The following ANKFN1 variants were observed in gnomAD, a reference collection of about 807,000 sequenced individuals.
The protein encoded by ANKFN1 is ankyrin repeat and fibronectin type III domain containing 1.
ANKFN1 carries 74 observed loss-of-function variants against 108.7 expected under a neutral mutation model. The ratio of observed to expected loss-of-function variants is 0.68; its 90% CI spans 0.56 to 0.83. The LOEUF is 0.83. ANKFN1 is among the 40% of genes least tolerant of loss of function. The pLI, the probability that ANKFN1 is intolerant of heterozygous loss-of-function variation, is 0.00. For synonymous variants in ANKFN1, 547 were observed against 516.2 expected (o/e 1.06, Z -0.81); for missense variants, 1,505 against 1,382.3 (o/e 1.09, Z -1.41).
chr17:56,360,447 C>T (rs1268190657), intron 6 of ANKFN1, among the ~76,000 whole-genome samples: 1 of 152,202 alleles, frequency 6.6e-6, no homozygotes, highest in Non-Finnish European at 1.5e-5. Context: ...TCACATCACT[C>T]TCTTGTCATT....
chr17:56,456,404 T>C (rs1466316473), intron 11 of ANKFN1, among the ~76,000 whole-genome samples: 2 of 145,318 alleles, frequency 1.4e-5, no homozygotes, highest in African/African-American at 5.1e-5. Flanking sequence ...TTTTTCTCTT[T>C]TTTTTTTTTT....
intron 4 of ANKFN1, among the ~76,000 whole-genome samples, chr17:56,088,503 C>G (rs1260981416): frequency 2.0e-5 from 3 of 151,058 alleles, no homozygotes; most frequent in Non-Finnish European, 4.4e-5. Flanking sequence ...CTTCTTCTAG[C>G]TGGTTTCTAG....
At chr17:56,456,254 A>G (rs2049689753) in intron 11 of ANKFN1, among the ~76,000 whole-genome samples, 1 of 152,206 alleles carries the variant, frequency 6.6e-6, no homozygotes, top group Non-Finnish European at 1.5e-5. Context: ...CTTAAAATAA[A>G]TCAAAAATTT....
intron 3 of ANKFN1, among the ~76,000 whole-genome samples, chr17:56,310,166 A>G (rs957512256): frequency 1.3e-5 from 2 of 152,210 alleles, no homozygotes; most frequent in East Asian, 3.8e-4. Flanking sequence ...GTGGTGCAAG[A>G]TTTCATCATG....
intron 15 of ANKFN1, chr17:56,472,674 C>G (rs575710483): frequency 2.6e-5 from 4 of 152,312 alleles, no homozygotes; most frequent in South Asian, 4.1e-4. Flanking sequence ...CGAAGACAGA[C>G]AGATTTGTAA....
At chr17:56,200,812 A>G (rs997046751) in intron 1 of ANKFN1, among the ~76,000 whole-genome samples, 1 of 152,228 alleles carries the variant, frequency 6.6e-6, no homozygotes, top group South Asian at 2.1e-4. Context: ...TTCCTCTTTG[A>G]TGAAGCAGAG....
intron 4 of ANKFN1, among the ~76,000 whole-genome samples, chr17:56,328,678 C>T (rs1049207570): frequency 6.6e-6 from 1 of 151,978 alleles, no homozygotes; most frequent in African/African-American, 2.4e-5. Flanking sequence ...TTAGACAATA[C>T]CATCTCAATT....
intron 4 of ANKFN1, among the ~76,000 whole-genome samples, chr17:56,145,861 TC>T (rs1908222967): frequency 6.6e-6 from 1 of 152,154 alleles, no homozygotes; most frequent in African/African-American, 2.4e-5. Context: ...AATTATGCCT[TC>T]CAAACAATTG....
At position 56,403,477 on chromosome 17, in the gene ANKFN1, C is replaced by T. The variant is rs960901645; in HGVS notation, c.910+28763C>T. Reference sequence around the variant, plus strand: ...TCCCTCTTTGAGATAAGAATAGCTACACCTGCTTGCTTTTCGTGTCCATTT... The same window carrying T: ...TCCCTCTTTGAGATAAGAATAGCTATACCTGCTTGCTTTTCGTGTCCATTT... On this transcript the variant is annotated intron_variant, in intron 8 of 20. Coordinates refer to ENST00000682825, the MANE Select transcript of ANKFN1 (RefSeq NM_001370326.1). Among the ~76,000 whole-genome samples the T allele has an allele frequency of 3.3e-5, 5 of 151,956 alleles. No homozygotes were observed. In the East Asian group the frequency reaches 7.7e-4, roughly 23 times the overall value.
chr17:56,337,996 G>T lies in ANKFN1; in HGVS notation c.188+11641G>T, dbSNP rs370725171. Among the ~76,000 whole-genome samples the T allele has an allele frequency of 7.2e-5, 11 of 152,038 alleles. No homozygotes were observed. The East Asian group carries it at 1.2e-3, about 16-fold the overall frequency. On this transcript the variant is annotated intron_variant, in intron 4 of 20. Transcript: ENST00000682825. ...TATAAATCATGCTATATAAAGGCAC[G>T]TGCACACGTATGCTTATTGCGGCAC...
At chr17:56,152,256 A>ATGTGTG (rs1165051884), upstream of ANKFN1, among the ~76,000 whole-genome samples, 19 of 79,252 alleles carry the variant, frequency 2.4e-4, no homozygotes, top group African/African-American at 7.2e-4. Context: ...ATATATATAT[A>ATGTGTG]TATATATGTG....
intron 8 of ANKFN1, among the ~76,000 whole-genome samples, chr17:56,391,212 C>CATATATATATATAT (rs202114506): frequency 5.2e-4 from 63 of 121,374 alleles, no homozygotes; most frequent in African/African-American, 1.3e-3. Flanking sequence ...CCCAAGAATA[C>CATATATATATATAT]ATATATATAT....
At chr17:56,242,961 A>T (rs915908051) in intron 3 of ANKFN1, among the ~76,000 whole-genome samples, 1 of 152,080 alleles carries the variant, frequency 6.6e-6, no homozygotes, top group African/African-American at 2.4e-5. Flanking sequence ...CTTTCATGTG[A>T]AATATTCATA....
chr17:56,259,520 C>CT lies in ANKFN1; in HGVS notation c.53+31564dup, dbSNP rs542356959. Among the ~76,000 whole-genome samples the CT allele has an allele frequency of 6.6e-4, 100 of 152,250 alleles. 1 individual carries two copies. The highest frequency in any genetic ancestry group is 2.3e-3 in the African/African-American group (95 of 41,542). On this transcript the variant is annotated intron_variant, in intron 3 of 20. Coordinates refer to ENST00000682825, the MANE Select transcript of ANKFN1 (RefSeq NM_001370326.1). ...TGTTTTGTCACTTACTCTTAGACTT[C>CT]TGTTTCCTCCTCCATAAAATGAAAA...
At chr17:56,252,194 C>T (rs1257312646) in intron 3 of ANKFN1, 5 of 152,152 alleles carry the variant, frequency 3.3e-5, no homozygotes, top group South Asian at 4.1e-4. Flanking sequence ...TAACTTTCAT[C>T]ATGTATTTCC....
chr17:56,445,364 T>C (rs2049250504), intron 10 of ANKFN1, among the ~76,000 whole-genome samples: 1 of 152,248 alleles, frequency 6.6e-6, no homozygotes, highest in Admixed American at 6.5e-5. Flanking sequence ...ACACTATCTG[T>C]CACAGCCCAT....
At chr17:56,087,486 C>T (rs73325636) in intron 4 of ANKFN1, among the ~76,000 whole-genome samples, 4,136 of 151,466 alleles carry the variant, frequency 0.027, 260 homozygotes, top group African/African-American at 0.094. Context: ...CTCTAGATAC[C>T]TACTGCTTCT....
chr17:56,213,600 G>C (rs1915199786), intron 2 of ANKFN1, among the ~76,000 whole-genome samples: 2 of 152,122 alleles, frequency 1.3e-5, no homozygotes, highest in Non-Finnish European at 2.9e-5. Flanking sequence ...CCTTTCCCCT[G>C]ATTTAAGAAA....
intron 3 of ANKFN1, among the ~76,000 whole-genome samples, chr17:56,316,853 C>A (rs903280564): frequency 6.6e-6 from 1 of 152,264 alleles, no homozygotes; most frequent in East Asian, 1.9e-4. Context: ...TAAAAAGCAC[C>A]AGTCCCACTA....
Sources: allele counts gnomAD v4.1 joint callset (sites outside exome capture counted in the v4.1 genomes callset), GRCh38; gene constraint gnomAD v4.1.1; transcripts MANE v1.5; gene names NCBI Gene and HGNC (gene_info 2026-07-23, HGNC 2026-07-21).